Variants in TICAM2 observed in about 807,000 individuals in gnomAD.
TICAM2 encodes the protein TIR domain containing adaptor molecule 2, also known as TIR domain-containing adapter molecule 2.
Under a neutral mutation model 7.3 loss-of-function variants are expected in TICAM2, and 8 were observed. The ratio of observed to expected loss-of-function variants is 1.10; its 90% CI spans 0.65 to 1.99. The LOEUF (loss-of-function observed/expected upper bound fraction) is 1.99, where lower values mean the gene tolerates loss of function less well. Ranked by LOEUF, TICAM2 falls within the 30% of genes most tolerant of loss-of-function variation. TICAM2 has a pLI of 0.00. For synonymous variants in TICAM2, 113 were observed against 99.6 expected (o/e 1.13, Z -0.80); for missense variants, 304 against 278.8 (o/e 1.09, Z -0.65).
At chr5:115,590,361 T>C (rs1459321967) in intron 1 of TICAM2, among the ~76,000 whole-genome samples, 1 of 152,154 alleles carries the variant, frequency 6.6e-6, no homozygotes, top group Non-Finnish European at 1.5e-5. Context: ...TTATACATAA[T>C]ATGGAAAACA....
At chr5:115,581,463 TAC>T in intron 1 of TICAM2, 148 bp from the exon 2 acceptor site, 1 of 1,007,850 alleles carries the variant, frequency 9.9e-7, no homozygotes, top group Non-Finnish European at 1.4e-6. Context: ...GAAGCTAAAC[TAC>T]TAATCTTTTG....
At chr5:115,588,529 G>A (rs989462056) in intron 1 of TICAM2, among the ~76,000 whole-genome samples, 1 of 152,184 alleles carries the variant, frequency 6.6e-6, no homozygotes, top group East Asian at 1.9e-4. Flanking sequence ...GAAAAGAAGA[G>A]TGTCCATGAT....
chr5:115,599,851 TC>T (rs1755653640), intron 1 of TICAM2, among the ~76,000 whole-genome samples: 1 of 152,004 alleles, frequency 6.6e-6, no homozygotes, highest in Non-Finnish European at 1.5e-5. Flanking sequence ...GTTTTTCTTT[TC>T]TTTTTTTTTT....
chr5:115,595,339 C>A (rs1038702699), intron 1 of TICAM2, among the ~76,000 whole-genome samples: 7 of 152,146 alleles, frequency 4.6e-5, no homozygotes, highest in African/African-American at 1.7e-4. Flanking sequence ...CCCATTCAAA[C>A]AAACCCTCCC....
intron 1 of TICAM2, among the ~76,000 whole-genome samples, chr5:115,588,466 T>C (rs958641857): frequency 2.0e-5 from 3 of 152,228 alleles, no homozygotes; most frequent in Non-Finnish European, 4.4e-5. Flanking sequence ...CTGCATTATA[T>C]TGGGAGATAG....
In TICAM2 at chr5:115,581,157, A is replaced by G; in HGVS notation, c.100T>C (p.Ser34Pro). 1 of 1,613,920 alleles carries G rather than the reference A, an allele frequency of 6.2e-7. No homozygotes were observed. Among genetic ancestry groups the G allele is most frequent in the Admixed American group, 1.7e-5 (1 of 60,006 alleles). The change falls in exon 2 of 2, where the codon TCC becomes CCC. Residue 34 changes from serine to proline, a missense_variant. By Grantham distance (74) the Ser-to-Pro change is moderately conservative. Coordinates refer to ENST00000427199, the MANE Select transcript of TICAM2 (RefSeq NM_021649.7). ...DTSPGYHESDSKKSEDLSLCN... is the reference protein window; with the variant it reads ...DTSPGYHESDPKKSEDLSLCN... ...AAGGATAGATCTTCAGACTTCTTGG[A>G]ATCTGACTCATGATATCCTGGACTT...
intron 1 of TICAM2, among the ~76,000 whole-genome samples, chr5:115,598,138 T>C (rs1755583465): frequency 6.6e-6 from 1 of 152,208 alleles, no homozygotes; most frequent in Admixed American, 6.5e-5. Flanking sequence ...TTTATATTTT[T>C]ATAAATATCA....
intron 1 of TICAM2, among the ~76,000 whole-genome samples, chr5:115,583,966 C>T (rs1028246950): frequency 3.9e-5 from 6 of 152,102 alleles, no homozygotes; most frequent in Admixed American, 2.0e-4. Context: ...ACTTGGGAGA[C>T]GCATGTGAGA....
intron 1 of TICAM2, among the ~76,000 whole-genome samples, chr5:115,599,708 C>T (rs751021197): frequency 5.3e-5 from 8 of 152,144 alleles, no homozygotes; most frequent in South Asian, 2.1e-4. Flanking sequence ...TAGCAGACAC[C>T]AGCTGCAGGC....
intron 1 of TICAM2, among the ~76,000 whole-genome samples, chr5:115,585,809 G>T (rs183070499): frequency 5.7e-4 from 87 of 152,282 alleles, no homozygotes; most frequent in Middle Eastern, 3.4e-3. Flanking sequence ...GGATCACTTT[G>T]GTTGCTGCAC....
At chr5:115,590,885 C>T (rs1755276723) in intron 1 of TICAM2, among the ~76,000 whole-genome samples, 1 of 152,028 alleles carries the variant, frequency 6.6e-6, no homozygotes, top group South Asian at 2.1e-4. Context: ...TTAACTATAC[C>T]ATCATGTGTC....
At chr5:115,597,831 C>T (rs1479963863) in intron 1 of TICAM2, among the ~76,000 whole-genome samples, 3 of 152,060 alleles carry the variant, frequency 2.0e-5, no homozygotes, top group South Asian at 2.1e-4. Flanking sequence ...CCTGGAATAC[C>T]GCATTTTTGA....
At chr5:115,589,157 C>G (rs182838671) in intron 1 of TICAM2, among the ~76,000 whole-genome samples, 1 of 152,190 alleles carries the variant, frequency 6.6e-6, no homozygotes, top group Admixed American at 6.5e-5. Context: ...TTATTTCATA[C>G]TACAAAGGCA....
At chr5:115,584,211 G>C (rs1755026220) in intron 1 of TICAM2, among the ~76,000 whole-genome samples, 1 of 151,944 alleles carries the variant, frequency 6.6e-6, no homozygotes, top group African/African-American at 2.4e-5. Flanking sequence ...TATTTTGAAA[G>C]AATATTCTTG....
At chr5:115,597,796 C>T (rs890287574) in intron 1 of TICAM2, among the ~76,000 whole-genome samples, 2 of 152,120 alleles carry the variant, frequency 1.3e-5, no homozygotes, top group Non-Finnish European at 2.9e-5. Flanking sequence ...AAAAAGTCAG[C>T]CCTCCGTATG....
rs373727902 is a variant in TICAM2 at position 115,580,858 on chromosome 5, T to A, written c.399A>T (p.Ala133=). 6.2e-7 allele frequency: 1 copy of A among 1,613,098 alleles called. No homozygotes were observed. Among genetic ancestry groups the A allele is most frequent in the Non-Finnish European group, 8.5e-7 (1 of 1,179,274 alleles). Residue 133 remains alanine, a synonymous_variant, in exon 2 of 2, where the codon GCA becomes GCT. Transcript: ENST00000427199. Reference sequence around the variant, plus strand: ...TTTCAGTCAGTAATAAGATTGTCCATGCAGACCCATTTACAGCATCATCTA... The same window carrying A: ...TTTCAGTCAGTAATAAGATTGTCCAAGCAGACCCATTTACAGCATCATCTA... The part of the protein sequence containing the change: ...QNLDDAVNGS[A]WTILLLTENF...
rs750896422 is a variant in TICAM2 at position 115,580,792 on chromosome 5, C to T, written c.465G>A (p.Thr155=). Residue 155 remains threonine (T), a synonymous_variant, in exon 2 of 2, where the codon ACG becomes ACA. Coordinates refer to ENST00000427199, the MANE Select transcript of TICAM2 (RefSeq NM_021649.7). ...RDTWCNFQFY[T]SLMNSVNRQH... ...GCCTGTTAACGGAGTTCATTAGGGACGTATAGAACTGGAAATTACACCAAG... is the reference window on the plus strand; with the variant it reads ...GCCTGTTAACGGAGTTCATTAGGGATGTATAGAACTGGAAATTACACCAAG... 2.9e-5 allele frequency: 47 copies of T among 1,597,202 alleles called. No homozygotes were observed. The highest frequency in any genetic ancestry group is 1.7e-4 in the Middle Eastern group (1 of 5,964).
intron 1 of TICAM2, among the ~76,000 whole-genome samples, chr5:115,597,979 G>GTATA (rs550586680): frequency 6.6e-6 from 1 of 152,000 alleles, no homozygotes; most frequent in Non-Finnish European, 1.5e-5. Context: ...ATATAAATGT[G>GTATA]TATATATATG....
At chr5:115,593,970 TG>T (rs144785258) in intron 1 of TICAM2, among the ~76,000 whole-genome samples, 2,527 of 152,300 alleles carry the variant, frequency 0.017, 40 homozygotes, top group South Asian at 0.022. Flanking sequence ...CATGGTTGAT[TG>T]TTTTTTTATT....
Sources: allele counts gnomAD v4.1 joint callset (sites outside exome capture counted in the v4.1 genomes callset), GRCh38; gene constraint gnomAD v4.1.1; transcripts MANE v1.5; gene names NCBI Gene and HGNC (gene_info 2026-07-23, HGNC 2026-07-21).